GRIK4: variants seen among roughly 807,000 people sequenced by gnomAD.
GRIK4 encodes glutamate receptor ionotropic, kainate 4.
GRIK4 carries 40 observed loss-of-function variants against 104.9 expected under a neutral mutation model. The ratio of observed to expected loss-of-function variants is 0.38; its 90% CI spans 0.30 to 0.50. The LOEUF (loss-of-function observed/expected upper bound fraction) is 0.50, where lower values mean the gene tolerates loss of function less well. Ranked by LOEUF, GRIK4 falls within the 20% of genes least tolerant of loss-of-function variation. The pLI is 0.93. For synonymous variants in GRIK4, 485 were observed against 524.9 expected (o/e 0.92, Z 1.04); for missense variants, 1,047 against 1,308.1 (o/e 0.80, Z 3.08).
intron 3 of GRIK4, among the ~76,000 whole-genome samples, chr11:120,802,414 G>A (rs1163210016): frequency 6.6e-6 from 1 of 152,228 alleles, no homozygotes; most frequent in Non-Finnish European, 1.5e-5. Flanking sequence ...TGGACCCGGG[G>A]ACTTCGTGCA....
intron 8 of GRIK4, among the ~76,000 whole-genome samples, chr11:120,839,505 G>A (rs548460747): frequency 6.6e-6 from 1 of 152,308 alleles, no homozygotes; most frequent in South Asian, 2.1e-4. Flanking sequence ...CTCACAATAC[G>A]AGTTTATTTA....
chr11:120,757,244 G>A (rs1486906173), intron 3 of GRIK4, among the ~76,000 whole-genome samples: 1 of 152,250 alleles, frequency 6.6e-6, no homozygotes, highest in Non-Finnish European at 1.5e-5. Context: ...GGCAGCATAA[G>A]TGAGGTTGTG....
intron 1 of GRIK4, among the ~76,000 whole-genome samples, chr11:120,562,394 G>A (rs1392859660): frequency 6.6e-6 from 1 of 152,218 alleles, no homozygotes; most frequent in African/African-American, 2.4e-5. Context: ...GAGCAGGTAA[G>A]TGTATTTGGG....
intron 4 of GRIK4, among the ~76,000 whole-genome samples, chr11:120,806,819 C>T (rs1490603114): frequency 6.6e-6 from 1 of 152,210 alleles, no homozygotes; most frequent in Admixed American, 6.5e-5. Flanking sequence ...GGTCAGCCCC[C>T]TCGTCTGATG....
intron 1 of GRIK4, among the ~76,000 whole-genome samples, chr11:120,626,655 CGG>C (rs1434785103): frequency 6.6e-6 from 1 of 152,112 alleles, no homozygotes; most frequent in Non-Finnish European, 1.5e-5. Context: ...CTAGGCATCC[CGG>C]AGCTCATTGC....
At chr11:120,697,197 T>G (rs570238305) in intron 3 of GRIK4, among the ~76,000 whole-genome samples, 30 of 152,302 alleles carry the variant, frequency 2.0e-4, no homozygotes, top group African/African-American at 7.2e-4. Flanking sequence ...GGAGGGACCA[T>G]GAGAGAGAGC....
intron 1 of GRIK4, among the ~76,000 whole-genome samples, chr11:120,643,316 G>A (rs1939179011): frequency 6.6e-6 from 1 of 152,218 alleles, no homozygotes; most frequent in Non-Finnish European, 1.5e-5. Context: ...AAGAGGGTGA[G>A]GGAGTGTGTC....
At chr11:120,559,677 A>G in intron 1 of GRIK4, among the ~76,000 whole-genome samples, 1 of 152,192 alleles carries the variant, frequency 6.6e-6, no homozygotes, top group East Asian at 1.9e-4. Context: ...ACTAATAGAC[A>G]CTTCTGGGGC....
chr11:120,656,469 T>C (rs1178948522), intron 2 of GRIK4, among the ~76,000 whole-genome samples: 3 of 152,208 alleles, frequency 2.0e-5, no homozygotes, highest in African/African-American at 7.2e-5. Context: ...TTTTCATTCT[T>C]GTAAGATTTA....
chr11:120,665,250 T>G (rs980071408), intron 3 of GRIK4, among the ~76,000 whole-genome samples: 1 of 151,842 alleles, frequency 6.6e-6, no homozygotes. Context: ...TCACCATGGG[T>G]TTGTTTGAGC....
At chr11:120,608,179 G>A (rs1948985610) in intron 1 of GRIK4, among the ~76,000 whole-genome samples, 1 of 152,222 alleles carries the variant, frequency 6.6e-6, no homozygotes, top group Non-Finnish European at 1.5e-5. Flanking sequence ...GATAGGAGAG[G>A]CTGAGGTCAG....
intron 3 of GRIK4, among the ~76,000 whole-genome samples, chr11:120,689,888 AG>A (rs369360700): frequency 5.6e-4 from 85 of 152,266 alleles, no homozygotes; most frequent in Middle Eastern, 3.4e-3. Flanking sequence ...TCTCCACCAC[AG>A]CTCCTTTGGT....
intron 3 of GRIK4, among the ~76,000 whole-genome samples, chr11:120,781,983 C>T (rs1189471038): frequency 6.6e-6 from 1 of 152,176 alleles, no homozygotes; most frequent in Non-Finnish European, 1.5e-5. Flanking sequence ...TCCAACTTGG[C>T]ATGTTCTTCC....
chr11:120,947,394 T>C (rs989714519), intron 14 of GRIK4, among the ~76,000 whole-genome samples: 2 of 129,560 alleles, frequency 1.5e-5, no homozygotes, highest in African/African-American at 5.5e-5. Flanking sequence ...AGAGTGAGAC[T>C]CTGTCTCAAA....
At chr11:120,534,947 C>A (rs1443566336) in intron 1 of GRIK4, among the ~76,000 whole-genome samples, 2 of 152,192 alleles carry the variant, frequency 1.3e-5, no homozygotes, top group Non-Finnish European at 2.9e-5. Flanking sequence ...GACTTCAGTG[C>A]TAAACCCAGG....
intron 1 of GRIK4, among the ~76,000 whole-genome samples, chr11:120,588,688 C>G (rs1166371388): frequency 6.6e-6 from 1 of 152,142 alleles, no homozygotes; most frequent in African/African-American, 2.4e-5. Context: ...ATAGGGCAGG[C>G]TTCTCAACAT....
chr11:120,535,911 C>T (rs1223339026), intron 1 of GRIK4, among the ~76,000 whole-genome samples: 2 of 152,210 alleles, frequency 1.3e-5, no homozygotes, highest in Non-Finnish European at 2.9e-5. Flanking sequence ...TAGGTATACA[C>T]GTGCATGAAT....
At chr11:120,603,802 C>T (rs987839062) in intron 1 of GRIK4, among the ~76,000 whole-genome samples, 5 of 152,040 alleles carry the variant, frequency 3.3e-5, no homozygotes, top group Non-Finnish European at 1.5e-5. Flanking sequence ...GGGGGTGCTA[C>T]TGGCACGTGG....
At chr11:120,565,230 C>T (rs1404376223) in intron 1 of GRIK4, among the ~76,000 whole-genome samples, 2 of 152,214 alleles carry the variant, frequency 1.3e-5, no homozygotes, top group African/African-American at 2.4e-5. Flanking sequence ...ATGTCGCCAC[C>T]GGCTGCTGAC....
Sources: allele counts gnomAD v4.1 joint callset (sites outside exome capture counted in the v4.1 genomes callset), GRCh38; gene constraint gnomAD v4.1.1; transcripts MANE v1.5; gene names NCBI Gene and HGNC (gene_info 2026-07-23, HGNC 2026-07-21).